Variants in COL25A1 observed in about 807,000 individuals in gnomAD.
The protein encoded by COL25A1 is collagen type XXV alpha 1 chain, also known as collagen alpha-1(XXV) chain.
COL25A1 carries 103 observed loss-of-function variants against 128.4 expected under a neutral mutation model. The observed-to-expected ratio is 0.80, with a 90% CI of 0.68 to 0.94. The LOEUF (loss-of-function observed/expected upper bound fraction) is 0.94, where lower values mean the gene tolerates loss of function less well. Among genes scored for constraint, COL25A1 ranks in the 40% least tolerant of loss-of-function variants. COL25A1 has a pLI of 0.00. For missense variants in COL25A1, 745 were observed against 840.0 expected (o/e 0.89, Z 1.40); for synonymous variants, 279 against 277.2 (o/e 1.01, Z -0.06).
intron 3 of COL25A1, among the ~76,000 whole-genome samples, chr4:109,131,555 G>T (rs1560742506): frequency 6.6e-6 from 1 of 152,206 alleles, no homozygotes; most frequent in Non-Finnish European, 1.5e-5. Flanking sequence ...GGAAAATACG[G>T]TGAGGGGGAG....
chr4:109,253,615 GAC>G (rs1352140273), intron 3 of COL25A1, among the ~76,000 whole-genome samples: 3 of 152,078 alleles, frequency 2.0e-5, no homozygotes, highest in Non-Finnish European at 2.9e-5. Context: ...CAGCCAAGTT[GAC>G]ACACAAAATT....
chr4:108,960,763 T>G (rs1263738485), intron 8 of COL25A1, among the ~76,000 whole-genome samples: 1 of 152,018 alleles, frequency 6.6e-6, no homozygotes, highest in Non-Finnish European at 1.5e-5. Flanking sequence ...TTCTCTAAGA[T>G]CGAAGTCAAG....
intron 19 of COL25A1, among the ~76,000 whole-genome samples, chr4:108,879,688 C>A (rs1237152055): frequency 6.6e-6 from 1 of 152,126 alleles, no homozygotes; most frequent in Non-Finnish European, 1.5e-5. Context: ...CTCAAGTGAT[C>A]CACCCGCCTC....
intron 3 of COL25A1, among the ~76,000 whole-genome samples, chr4:109,194,078 T>C (rs1439504209): frequency 6.6e-6 from 1 of 152,156 alleles, no homozygotes; most frequent in Admixed American, 6.5e-5. Flanking sequence ...CAAGCGAACT[T>C]GTTAAAGCAT....
chr4:108,901,164 G>A lies in COL25A1; in HGVS notation c.789C>T (p.Pro263=), dbSNP rs780314156. ...TCTGTCCTACTGCTCCAGGCAACCC[G>A]GGCTCACCCTCAAAATAGAAAAATA... ...IPGMNGQKGE[P]GLPGAVGQNG... Residue 263 remains proline (P), a synonymous_variant, in exon 14 of 38, where the codon CCC becomes CCT. Coordinates refer to ENST00000399132, the MANE Select transcript of COL25A1 (RefSeq NM_198721.4). The A allele has an allele frequency of 6.8e-5, 109 of 1,611,064 alleles. No individual in the cohort carries two copies. Among genetic ancestry groups the A allele is most frequent in the Non-Finnish European group, 8.3e-5 (98 of 1,178,000 alleles).
At chr4:109,256,581 A>C (rs770497612) in intron 3 of COL25A1, among the ~76,000 whole-genome samples, 1 of 152,140 alleles carries the variant, frequency 6.6e-6, no homozygotes, top group Non-Finnish European at 1.5e-5. Context: ...TATTACTTAC[A>C]TTTTTCCAAT....
intron 3 of COL25A1, among the ~76,000 whole-genome samples, chr4:109,113,035 A>G (rs1421636572): frequency 6.6e-6 from 1 of 152,162 alleles, no homozygotes; most frequent in African/African-American, 2.4e-5. Flanking sequence ...GTGGCAGTAC[A>G]TAGGTTTAGT....
intron 3 of COL25A1, among the ~76,000 whole-genome samples, chr4:109,229,960 T>A (rs1010199462): frequency 6.6e-6 from 1 of 152,100 alleles, no homozygotes; most frequent in African/African-American, 2.4e-5. Flanking sequence ...CTTTTACTCA[T>A]GGTGGAAGGT....
At chr4:109,077,433 A>G (rs1436503336) in intron 3 of COL25A1, among the ~76,000 whole-genome samples, 1 of 131,726 alleles carries the variant, frequency 7.6e-6, no homozygotes, top group African/African-American at 2.8e-5. Flanking sequence ...TCCCACCACC[A>G]CCCCCCCGCC....
chr4:108,857,041 G>T (rs1736606652), intron 24 of COL25A1, among the ~76,000 whole-genome samples: 2 of 152,082 alleles, frequency 1.3e-5, no homozygotes, highest in Non-Finnish European at 2.9e-5. Context: ...ACTAAGGATA[G>T]CTTGCCTCAT....
In COL25A1 at chr4:109,230,156, T is replaced by C. The variant is rs1454486452; in HGVS notation, c.367+70427A>G. Among the ~76,000 whole-genome samples, 4 of 152,102 alleles carry C rather than the reference T, an allele frequency of 2.6e-5. No homozygotes were observed. The East Asian group carries it at 7.7e-4, about 29-fold the overall frequency. ...CCACCTCCAGCATTAGGGATTACAA[T>C]TCAACATGGGATTTAGGTGGGGACA... is the stretch of plus-strand genomic sequence containing the variant. On this transcript the variant is annotated intron_variant, in intron 3 of 37. Transcript: ENST00000399132.
At chr4:109,211,274 C>CTATATA (rs1247369007) in intron 3 of COL25A1, among the ~76,000 whole-genome samples, 1 of 15,970 alleles carries the variant, frequency 6.3e-5, no homozygotes, top group South Asian at 1.1e-3. Flanking sequence ...ATATATGAAA[C>CTATATA]TATATATATA....
chr4:109,229,958 C>T (rs1779054244), intron 3 of COL25A1, among the ~76,000 whole-genome samples: 1 of 152,148 alleles, frequency 6.6e-6, no homozygotes, highest in Non-Finnish European at 1.5e-5. Context: ...AGCTTTTACT[C>T]ATGGTGGAAG....
chr4:109,226,292 T>C (rs1578489182), intron 3 of COL25A1, among the ~76,000 whole-genome samples: 2 of 152,100 alleles, frequency 1.3e-5, no homozygotes, highest in East Asian at 3.9e-4. Flanking sequence ...CCCTGGGTGA[T>C]GGTTACACTA....
At chr4:109,164,846 T>C (rs766613297) in intron 3 of COL25A1, among the ~76,000 whole-genome samples, 30 of 152,224 alleles carry the variant, frequency 2.0e-4, no homozygotes, top group Non-Finnish European at 3.7e-4. Context: ...TCTATCTGAA[T>C]AATCACAATT....
intron 6 of COL25A1, among the ~76,000 whole-genome samples, chr4:109,007,828 A>C (rs932692385): frequency 6.6e-6 from 1 of 152,106 alleles, no homozygotes; most frequent in African/African-American, 2.4e-5. Flanking sequence ...ATATACGTTC[A>C]TTCTTAGCCA....
In COL25A1 at chr4:108,812,533, A is replaced by G. The variant is rs552654655; in HGVS notation, c.*1394T>C. On this transcript the variant is annotated 3_prime_UTR_variant, in exon 38 of 38. Coordinates refer to ENST00000399132, the MANE Select transcript of COL25A1 (RefSeq NM_198721.4). The stretch of plus-strand genomic sequence containing the variant: ...TCTATCCAATTATCCAAAACAAGAG[A>G]GAAGTTAGTAAAAGGTCATTTTGAC... The G allele has an allele frequency of 8.5e-5, 13 of 152,314 alleles. No individual in the cohort carries two copies. The South Asian group carries it at 2.5e-3, about 29-fold the overall frequency. 9.4% of individuals were successfully genotyped at this position (152,314 alleles called of 1,614,324 possible). A position where few individuals can be genotyped will look rare whatever the true frequency, so the allele number is the denominator to read the frequency against.
chr4:108,907,339 C>T (rs1271017275), intron 13 of COL25A1, among the ~76,000 whole-genome samples: 2 of 152,140 alleles, frequency 1.3e-5, no homozygotes, highest in Middle Eastern at 3.2e-3. Context: ...GGGGCATTGC[C>T]GACATTTCCA....
At chr4:108,988,261 G>A (rs1753838768) in intron 6 of COL25A1, among the ~76,000 whole-genome samples, 3 of 152,054 alleles carry the variant, frequency 2.0e-5, no homozygotes, top group South Asian at 4.2e-4. Context: ...CCTTATACAT[G>A]GTAAATATCC....
Sources: allele counts gnomAD v4.1 joint callset (sites outside exome capture counted in the v4.1 genomes callset), GRCh38; gene constraint gnomAD v4.1.1; transcripts MANE v1.5; gene names NCBI Gene and HGNC (gene_info 2026-07-23, HGNC 2026-07-21).